Variants in CCDC171 observed in about 807,000 individuals in gnomAD.
The protein encoded by CCDC171 is coiled-coil domain containing 171.
Under a neutral mutation model 168.2 loss-of-function variants are expected in CCDC171, and 177 were observed. That is an observed-to-expected ratio of 1.05 (90% confidence interval 0.93 to 1.19). The LOEUF (loss-of-function observed/expected upper bound fraction) is 1.19. Among genes scored for constraint, CCDC171 ranks in the 50% most tolerant of loss-of-function variants. The pLI is 0.00. For synonymous variants in CCDC171, 687 were observed against 540.8 expected (o/e 1.27, Z -3.75); for missense variants, 1,991 against 1,539.0 (o/e 1.29, Z -4.91).
intron 3 of CCDC171, among the ~76,000 whole-genome samples, chr9:15,979,638 C>G (rs1164921176): frequency 6.6e-6 from 1 of 152,004 alleles, no homozygotes; most frequent in African/African-American, 2.4e-5. Context: ...TGGGATAAAT[C>G]TCACTTGGTC....
chr9:16,058,603 G>A (rs370325521), intron 1 of CCDC171, among the ~76,000 whole-genome samples: 6 of 152,216 alleles, frequency 3.9e-5, no homozygotes, highest in East Asian at 3.9e-4. Context: ...TACCGATTCA[G>A]AAACTGGAGA....
At chr9:15,906,597 C>A (rs532885490) in intron 24 of CCDC171, among the ~76,000 whole-genome samples, 2 of 152,154 alleles carry the variant, frequency 1.3e-5, no homozygotes, top group East Asian at 3.9e-4. Context: ...GAAGCATTCC[C>A]TCTGAAAACT....
chr9:15,666,154 G>T lies in CCDC171; in HGVS notation c.916-9G>T, dbSNP rs200082488. On this transcript the variant is annotated splice_polypyrimidine_tract_variant and intron_variant, in intron 8 of 25. Coordinates refer to ENST00000380701, the MANE Select transcript of CCDC171 (RefSeq NM_173550.4). Reference sequence around the variant, plus strand: ...AGCTTGATTTAATTACTTGTCTGTCGTCCGGTAGTTACGGATTCGAGACCT... The same window carrying T: ...AGCTTGATTTAATTACTTGTCTGTCTTCCGGTAGTTACGGATTCGAGACCT... 6.2e-7 allele frequency: 1 copy of T among 1,611,902 alleles called. No individual in the cohort carries two copies. The highest frequency in any genetic ancestry group is 1.7e-5 in the Admixed American group (1 of 59,682).
At chr9:15,976,362 A>G (rs573968575), downstream of CCDC171, among the ~76,000 whole-genome samples, 2 of 152,102 alleles carry the variant, frequency 1.3e-5, no homozygotes, top group African/African-American at 2.4e-5. Flanking sequence ...TTTCCATTTT[A>G]TATTCATGGC....
chr9:15,851,652 A>T (rs914316052), intron 23 of CCDC171, among the ~76,000 whole-genome samples: 3 of 151,884 alleles, frequency 2.0e-5, no homozygotes, highest in Admixed American at 6.6e-5. Context: ...AGTGGTTTTC[A>T]GTATGTGCAC....
In CCDC171 at chr9:15,898,413, C is replaced by G. The variant is rs138844298; in HGVS notation, c.3601-21857C>G. 9.1e-4 allele frequency among the ~76,000 whole-genome samples: 138 copies of G among 152,202 alleles called. 1 individual carries two copies. The highest frequency in any genetic ancestry group is 3.2e-3 in the African/African-American group (134 of 41,542). On this transcript the variant is annotated intron_variant, in intron 24 of 25. Coordinates refer to ENST00000380701, the MANE Select transcript of CCDC171 (RefSeq NM_173550.4). ...GTCTCAGAATAGCTGGTGTTGCTAT[C>G]ACAGTCAGTGAGCAAATATAGACTA...
intron 24 of CCDC171, among the ~76,000 whole-genome samples, chr9:15,880,713 T>TCAG (rs922857875): frequency 2.6e-5 from 4 of 151,078 alleles, no homozygotes; most frequent in African/African-American, 9.7e-5. Flanking sequence ...TGACCTCAAG[T>TCAG]GATTCACCCG....
intron 3 of CCDC171, among the ~76,000 whole-genome samples, chr9:16,001,151 C>T (rs1832531386): frequency 6.6e-6 from 1 of 152,126 alleles, no homozygotes; most frequent in Admixed American, 6.6e-5. Flanking sequence ...ATTCAGTTGC[C>T]TAGAAAATCA....
intron 10 of CCDC171, among the ~76,000 whole-genome samples, chr9:15,683,647 G>A (rs962037179): frequency 1.3e-5 from 2 of 151,912 alleles, no homozygotes; most frequent in Non-Finnish European, 2.9e-5. Flanking sequence ...CTTTTAGGAG[G>A]CTGACTTCCT....
intron 21 of CCDC171, among the ~76,000 whole-genome samples, chr9:15,798,759 A>C (rs1283848536): frequency 6.6e-6 from 1 of 152,160 alleles, no homozygotes; most frequent in African/African-American, 2.4e-5. Flanking sequence ...CACGAGGCTC[A>C]CAATGCCCGA....
At chr9:15,762,363 A>G (rs534167115) in intron 18 of CCDC171, among the ~76,000 whole-genome samples, 1 of 152,212 alleles carries the variant, frequency 6.6e-6, no homozygotes. Context: ...AAAATACAAC[A>G]TAATATTCAT....
chr9:15,826,688 TCAAATGC>T (rs1421652295), intron 21 of CCDC171, among the ~76,000 whole-genome samples: 6 of 152,174 alleles, frequency 3.9e-5, no homozygotes, highest in African/African-American at 1.4e-4. Context: ...CAAGCTAGCA[TCAAATGC>T]CAGACCTGTG....
intron 25 of CCDC171, among the ~76,000 whole-genome samples, chr9:15,944,322 C>T (rs116115393): frequency 1.0e-3 from 152 of 151,976 alleles, no homozygotes; most frequent in African/African-American, 3.4e-3. Flanking sequence ...AAGTATCTTT[C>T]AGGTAAAGGC....
Position 15,666,359 on chromosome 9 carries a change from TAAAG to T in CCDC171, c.1076+38_1076+41del, listed in dbSNP as rs1020072055. 5.6e-6 allele frequency: 8 copies of T among 1,427,444 alleles called. No individual in the cohort carries two copies. The African/African-American group carries it at 1.2e-4, about 21-fold the overall frequency. The allele number at this position is 1,427,444 out of a possible 1,614,324, so 88.4% of individuals were successfully genotyped here. Reference sequence around the variant, plus strand: ...TATTGTAAAATTCTCTAAATTAACATAAAGATTTTAAAAGAGCTATATAAAATAT... The same window carrying T: ...TATTGTAAAATTCTCTAAATTAACATATTTTAAAAGAGCTATATAAAATAT... On this transcript the variant is annotated intron_variant, in intron 9 of 25. Coordinates refer to ENST00000380701, the MANE Select transcript of CCDC171 (RefSeq NM_173550.4).
chr9:15,977,603 T>A (rs1228132826), downstream of CCDC171, among the ~76,000 whole-genome samples: 2 of 152,180 alleles, frequency 1.3e-5, no homozygotes, highest in African/African-American at 4.8e-5. Context: ...TTTTTTGTGG[T>A]TTAATTGAGT....
chr9:15,637,576 G>T (rs982371656), intron 7 of CCDC171, among the ~76,000 whole-genome samples: 1 of 150,238 alleles, frequency 6.7e-6, no homozygotes, highest in African/African-American at 2.5e-5. Context: ...CCATTAACTC[G>T]TCATTTAGCA....
chr9:15,755,797 G>C (rs752572737), intron 18 of CCDC171, among the ~76,000 whole-genome samples: 2 of 152,136 alleles, frequency 1.3e-5, no homozygotes, highest in African/African-American at 4.8e-5. Context: ...TGGAGTGAGG[G>C]TTAAGGGAGT....
intron 25 of CCDC171, among the ~76,000 whole-genome samples, chr9:15,951,663 G>T (rs1298664876): frequency 6.6e-6 from 1 of 151,882 alleles, no homozygotes; most frequent in Non-Finnish European, 1.5e-5. Flanking sequence ...TGGTTTGTTT[G>T]TTTTTTGGAG....
At chr9:16,018,948 C>A (rs994634434) in intron 3 of CCDC171, among the ~76,000 whole-genome samples, 1 of 151,998 alleles carries the variant, frequency 6.6e-6, no homozygotes, top group African/African-American at 2.4e-5. Flanking sequence ...GACTTAGCAA[C>A]CAAGATTGAA....
Sources: gnomAD v4.1 joint callset for allele counts (sites outside exome capture counted in the v4.1 genomes callset) on GRCh38, gnomAD v4.1.1 for gene constraint, MANE v1.5 for transcripts, NCBI Gene and HGNC (gene_info 2026-07-23, HGNC 2026-07-21) for gene names.